COL27A1: variants seen among roughly 807,000 people sequenced by gnomAD.
COL27A1 encodes collagen type XXVII alpha 1 chain, also known as collagen alpha-1(XXVII) chain.
In COL27A1, 106 loss-of-function variants were observed where a neutral mutation model predicts 251.3. The ratio of observed to expected loss-of-function variants is 0.42; its 90% CI spans 0.36 to 0.50. COL27A1 has a LOEUF of 0.50. COL27A1 is among the 20% of genes least tolerant of loss of function. The probability of loss-of-function intolerance (pLI) is 0.00; values close to 1 mark genes in which losing one functional copy is unlikely to be tolerated. For synonymous variants in COL27A1, 1,000 were observed against 986.3 expected (o/e 1.01, Z -0.26); for missense variants, 2,325 against 2,522.8 (o/e 0.92, Z 1.68).
chr9:114,266,540 G>A lies in COL27A1; in HGVS notation c.3394-25G>A, dbSNP rs775398210. 5.6e-6 allele frequency: 9 copies of A among 1,610,926 alleles called. No homozygotes were observed. In the East Asian group the frequency reaches 1.1e-4, roughly 20 times the overall value. Reference sequence around the variant, plus strand: ...GGGCCCAGGCTGACCTCTCCCAACTGTCTGTGTGTCTGTCTGTCTTCCAGG... The same window carrying A: ...GGGCCCAGGCTGACCTCTCCCAACTATCTGTGTGTCTGTCTGTCTTCCAGG... On this transcript the variant is annotated intron_variant, in intron 32 of 60. Coordinates refer to ENST00000356083, the MANE Select transcript of COL27A1 (RefSeq NM_032888.4).
At chr9:114,217,570 C>G (rs961008296) in intron 12 of COL27A1, among the ~76,000 whole-genome samples, 18 of 152,236 alleles carry the variant, frequency 1.2e-4, no homozygotes, top group Admixed American at 1.0e-3. Flanking sequence ...GACAGAGGGT[C>G]AAGTGTGGGG....
chr9:114,266,446 TA>T (rs1460215625), intron 32 of COL27A1, 118 bp from the exon 33 acceptor site: 14 of 737,122 alleles, frequency 1.9e-5, no homozygotes, highest in South Asian at 1.7e-4. Flanking sequence ...TGGGGCGGAC[TA>T]GGGGTGTGCT....
intron 5 of COL27A1, among the ~76,000 whole-genome samples, chr9:114,193,509 A>G (rs1828893269): frequency 1.3e-5 from 2 of 152,148 alleles, no homozygotes; most frequent in African/African-American, 2.4e-5. Flanking sequence ...CCTGGAACGC[A>G]GGTCTGGGAG....
At chr9:114,260,219 C>T (rs991062369) in intron 28 of COL27A1, among the ~76,000 whole-genome samples, 7 of 152,242 alleles carry the variant, frequency 4.6e-5, no homozygotes, top group African/African-American at 1.2e-4. Flanking sequence ...GCTTGAAGAA[C>T]GTATTCCTGC....
At chr9:114,236,906 C>G (rs2135459262) in intron 17 of COL27A1, 75 bp from the exon 18 acceptor site, 1 of 1,386,416 alleles carries the variant, frequency 7.2e-7, no homozygotes, top group Non-Finnish European at 1.0e-6. Context: ...CTGGGACCAG[C>G]AGGAGGACTG....
At chr9:114,217,103 G>A (rs1028522096) in intron 12 of COL27A1, among the ~76,000 whole-genome samples, 3 of 152,188 alleles carry the variant, frequency 2.0e-5, no homozygotes, top group African/African-American at 4.8e-5. Context: ...GGGTGGTCAC[G>A]CTGTTGGGGT....
intron 18 of COL27A1, 127 bp from the exon 19 acceptor site, chr9:114,237,535 G>A (rs753459556): frequency 3.8e-6 from 3 of 790,636 alleles, no homozygotes; most frequent in Non-Finnish European, 6.7e-6. Context: ...CCTTCTAGTT[G>A]TCCAGGCAGA....
intron 18 of COL27A1, 143 bp downstream of exon 18, chr9:114,237,177 G>C: frequency 1.3e-6 from 1 of 754,346 alleles, no homozygotes; most frequent in South Asian, 1.9e-5. Context: ...GCAGGAATGG[G>C]ATGTGCTCAT....
intron 27 of COL27A1, among the ~76,000 whole-genome samples, chr9:114,257,697 C>A (rs983878726): frequency 6.6e-6 from 1 of 152,132 alleles, no homozygotes; most frequent in Non-Finnish European, 1.5e-5. Context: ...CTTTCTTGAT[C>A]CTCTCCCACT....
chr9:114,283,678 C>A, intron 39 of COL27A1, 31 bp from the exon 40 acceptor site: 1 of 1,609,834 alleles, frequency 6.2e-7, no homozygotes, highest in Non-Finnish European at 8.5e-7. Context: ...GAGCCACACT[C>A]CATACCAACG....
chr9:114,234,036 C>T (rs1283864312), intron 16 of COL27A1, among the ~76,000 whole-genome samples: 1 of 152,084 alleles, frequency 6.6e-6, no homozygotes, highest in Non-Finnish European at 1.5e-5. Context: ...CTCAGTCCCA[C>T]TTACAACCGC....
chr9:114,288,912 A>G lies in COL27A1; in HGVS notation c.4099-2A>G. 1 of 1,613,572 alleles carries G rather than the reference A, an allele frequency of 6.2e-7. No homozygotes were observed. The highest frequency in any genetic ancestry group is 8.5e-7 in the Non-Finnish European group (1 of 1,179,940). On this transcript the variant is annotated splice_acceptor_variant, in intron 43 of 60. Transcript: ENST00000356083. LOFTEE classifies it high-confidence loss of function. ...CCTCACCTGTCTCTCTTTGGCTTCC[A>G]GGGACAGGAGGGTGTGCAAGGCCTC...
At chr9:114,228,758 G>A (rs193227027) in intron 14 of COL27A1, among the ~76,000 whole-genome samples, 29 of 152,294 alleles carry the variant, frequency 1.9e-4, no homozygotes, top group African/African-American at 6.7e-4. Flanking sequence ...ATTATCACCC[G>A]TTAAACTGAG....
At chr9:114,167,641 C>G (rs1848981533) in intron 2 of COL27A1, 48 bp from the exon 3 acceptor site, 1 of 1,514,768 alleles carries the variant, frequency 6.6e-7, no homozygotes, top group Non-Finnish European at 9.0e-7. Flanking sequence ...GTGGGGTGGG[C>G]TGGAGCAGGC....
intron 41 of COL27A1, 91 bp downstream of exon 41, chr9:114,284,868 C>A (rs1827348424): frequency 7.0e-7 from 1 of 1,436,732 alleles, no homozygotes; most frequent in Non-Finnish European, 9.8e-7. Context: ...CCTGGGGTAC[C>A]CATGGCTGGA....
chr9:114,309,349 C>T lies in COL27A1; in HGVS notation c.5307C>T (p.Asn1769=), dbSNP rs2131699783. 3 of 1,614,156 alleles carry T rather than the reference C, an allele frequency of 1.9e-6. No homozygotes were observed. The highest frequency in any genetic ancestry group is 2.2e-5 in the East Asian group (1 of 44,870). Reference sequence around the variant, plus strand: ...AGCACATCACCATCCACTGCCTTAACATGACCGTGTGGCAGGAGGGCACTG... The same window carrying T: ...AGCACATCACCATCCACTGCCTTAATATGACCGTGTGGCAGGAGGGCACTG... ...VTQHITIHCL[N]MTVWQEGTGQ... Residue 1769 remains asparagine, a synonymous_variant, in exon 60 of 61, where the codon AAC becomes AAT. Transcript: ENST00000356083.
intron 14 of COL27A1, among the ~76,000 whole-genome samples, chr9:114,230,464 T>A (rs1426483595): frequency 6.6e-6 from 1 of 152,192 alleles, no homozygotes; most frequent in Non-Finnish European, 1.5e-5. Context: ...GGTCGGGAAC[T>A]CCATTTTTCT....
intron 7 of COL27A1, among the ~76,000 whole-genome samples, chr9:114,198,401 G>A (rs1461016944): frequency 6.6e-6 from 1 of 152,188 alleles, no homozygotes; most frequent in Non-Finnish European, 1.5e-5. Flanking sequence ...TGGTTGGAGG[G>A]TGCAGTCTAC....
intron 56 of COL27A1, among the ~76,000 whole-genome samples, chr9:114,302,500 G>A (rs2131669323): frequency 6.6e-6 from 1 of 152,246 alleles, no homozygotes; most frequent in East Asian, 1.9e-4. Flanking sequence ...TTCGAGGCGA[G>A]CAGATCACCT....
Sources: allele counts gnomAD v4.1 joint callset (sites outside exome capture counted in the v4.1 genomes callset), GRCh38; gene constraint gnomAD v4.1.1; transcripts MANE v1.5; gene names NCBI Gene and HGNC (gene_info 2026-07-23, HGNC 2026-07-21).